Variants in SBF2 observed in about 807,000 individuals in gnomAD.
The protein encoded by SBF2 is myotubularin-related protein 13.
SBF2 carries 112 observed loss-of-function variants against 225.2 expected under a neutral mutation model. The ratio of observed to expected loss-of-function variants is 0.50; its 90% CI spans 0.43 to 0.58. The LOEUF is 0.58. Among genes scored for constraint, SBF2 ranks in the 20% least tolerant of loss-of-function variants. The probability of loss-of-function intolerance (pLI) is 0.00; values close to 1 mark genes in which losing one functional copy is unlikely to be tolerated. For synonymous variants in SBF2, 763 were observed against 773.3 expected, an observed-to-expected ratio of 0.99 and a Z score of 0.22; for missense variants, 1,996 against 2,206.2, an observed-to-expected ratio of 0.90 and a Z score of 1.91.
intron 2 of SBF2, among the ~76,000 whole-genome samples, chr11:10,053,879 C>T (rs1240554722): frequency 6.6e-6 from 1 of 151,560 alleles, no homozygotes; most frequent in Admixed American, 6.6e-5. Context: ...GTGATCATGA[C>T]ACTGCACTTG....
At chr11:10,267,009 G>A (rs924372903) in intron 1 of SBF2, among the ~76,000 whole-genome samples, 3 of 152,164 alleles carry the variant, frequency 2.0e-5, no homozygotes, top group Non-Finnish European at 4.4e-5. Flanking sequence ...CAGGAGAATC[G>A]CTTGAACCTG....
chr11:10,004,419 G>A (rs1948098538), intron 6 of SBF2, among the ~76,000 whole-genome samples: 3 of 151,726 alleles, frequency 2.0e-5, no homozygotes, highest in South Asian at 4.2e-4. Context: ...GTATAATATT[G>A]AGTGAGGGTA....
At chr11:9,934,392 T>C (rs1029349879) in intron 16 of SBF2, among the ~76,000 whole-genome samples, 1 of 152,180 alleles carries the variant, frequency 6.6e-6, no homozygotes. Context: ...GAGGAGCTGG[T>C]ACCATTCCTT....
intron 2 of SBF2, among the ~76,000 whole-genome samples, chr11:10,184,289 T>C (rs1329762611): frequency 6.6e-6 from 1 of 152,216 alleles, no homozygotes; most frequent in African/African-American, 2.4e-5. Context: ...CATACTGTCT[T>C]GATTATTGAG....
rs149939916 is a variant in SBF2, at chr11:9,884,706, CT to C, written c.1929+11236del. Among the ~76,000 whole-genome samples, 390 of 152,324 alleles carry C rather than the reference CT, an allele frequency of 2.6e-3. 1 individual carries two copies. Among genetic ancestry groups the C allele is most frequent in the African/African-American group, 9.0e-3 (375 of 41,582 alleles). Reference sequence around the variant, plus strand: ...AACCTTGGCTCAGAAGAGTCCCTATCTGCTCAAGTCTTATGGGAGGCACTGT... The same window carrying C: ...AACCTTGGCTCAGAAGAGTCCCTATCGCTCAAGTCTTATGGGAGGCACTGT... On this transcript the variant is annotated intron_variant, in intron 17 of 39. Coordinates refer to ENST00000256190, the MANE Select transcript of SBF2 (RefSeq NM_030962.4).
intron 16 of SBF2, among the ~76,000 whole-genome samples, chr11:9,953,041 A>C (rs1865949886): frequency 6.6e-6 from 1 of 152,240 alleles, no homozygotes; most frequent in Admixed American, 6.5e-5. Context: ...GAGGAAAAGA[A>C]GTCATACCAA....
At chr11:10,244,590 T>C (rs1959580657) in intron 1 of SBF2, among the ~76,000 whole-genome samples, 1 of 152,196 alleles carries the variant, frequency 6.6e-6, no homozygotes, top group South Asian at 2.1e-4. Context: ...CTGCTTTGGG[T>C]ATTTGAATCT....
intron 2 of SBF2, among the ~76,000 whole-genome samples, chr11:10,185,871 A>C (rs72861738): frequency 0.1 from 15,674 of 152,102 alleles, 963 homozygotes; most frequent in Non-Finnish European, 0.11. Flanking sequence ...TCATACATAC[A>C]CATATATATA....
intron 33 of SBF2, 122 bp downstream of exon 33, chr11:9,795,709 A>G (rs139621501): frequency 4.1e-6 from 5 of 1,230,590 alleles, no homozygotes; most frequent in South Asian, 1.3e-5. Flanking sequence ...CTCTACATTC[A>G]TAGTTCAGAG....
intron 27 of SBF2, among the ~76,000 whole-genome samples, chr11:9,830,103 G>T (rs1484426341): frequency 6.6e-6 from 1 of 152,222 alleles, no homozygotes; most frequent in Non-Finnish European, 1.5e-5. Context: ...GGAGCAAAAA[G>T]TATACACAAT....
At chr11:10,019,595 C>G (rs1181265664) in intron 6 of SBF2, among the ~76,000 whole-genome samples, 1 of 150,198 alleles carries the variant, frequency 6.7e-6, no homozygotes, top group Non-Finnish European at 1.5e-5. Flanking sequence ...TGGGACAGAC[C>G]CTTATGACAA....
At chr11:10,133,628 C>T (rs556308092) in intron 2 of SBF2, among the ~76,000 whole-genome samples, 5 of 147,756 alleles carry the variant, frequency 3.4e-5, no homozygotes, top group East Asian at 2.1e-4. Flanking sequence ...CACGCCCACC[C>T]GGAACTCCAG....
Position 9,856,701 on chromosome 11 carries a change from T to C in SBF2, c.2120A>G (p.His707Arg), listed in dbSNP as rs780356737. Residue 707 changes from histidine (H) to arginine (R), a missense_variant, in exon 19 of 40, where the codon CAT becomes CGT. Coordinates refer to ENST00000256190, the MANE Select transcript of SBF2 (RefSeq NM_030962.4). ...LKQKDKLPDD[H>R]YQEKTAMDLA... Reference sequence around the variant, plus strand: ...GTCCATTGCTGTCTTCTCCTGATAATGGTCATCAGGAAGCTTATCCTAAAA... The same window carrying C: ...GTCCATTGCTGTCTTCTCCTGATAACGGTCATCAGGAAGCTTATCCTAAAA... The C allele has an allele frequency of 3.7e-6, 6 of 1,613,752 alleles. No individual in the cohort carries two copies. The highest frequency in any genetic ancestry group is 3.4e-6 in the Non-Finnish European group (4 of 1,179,868).
At chr11:9,948,851 A>T (rs553281876) in intron 16 of SBF2, among the ~76,000 whole-genome samples, 1 of 152,280 alleles carries the variant, frequency 6.6e-6, no homozygotes, top group South Asian at 2.1e-4. Flanking sequence ...ACTCACTTCT[A>T]TATCTGTGAA....
intron 16 of SBF2, chr11:9,915,596 T>C (rs1001279154): frequency 3.3e-5 from 5 of 152,156 alleles, no homozygotes; most frequent in Admixed American, 6.5e-5. Context: ...TTTTTTTGCT[T>C]TTCTTTCAGA....
At chr11:10,265,120 T>C (rs1053867706) in intron 1 of SBF2, among the ~76,000 whole-genome samples, 2 of 152,150 alleles carry the variant, frequency 1.3e-5, no homozygotes, top group Non-Finnish European at 2.9e-5. Context: ...CTAGGTCAAA[T>C]GGTATTTCTA....
At chr11:10,287,121 T>C (rs1031125004) in intron 1 of SBF2, among the ~76,000 whole-genome samples, 10 of 152,174 alleles carry the variant, frequency 6.6e-5, no homozygotes, top group Admixed American at 4.6e-4. Flanking sequence ...TGAAAAAAGT[T>C]AGACACAAAA....
chr11:10,069,818 T>C (rs568818041), intron 2 of SBF2, among the ~76,000 whole-genome samples: 2 of 151,738 alleles, frequency 1.3e-5, no homozygotes, highest in South Asian at 2.1e-4. Context: ...CTCTCCAGCA[T>C]CTGTTGTTTC....
At chr11:10,037,369 T>A (rs1388906058) in intron 3 of SBF2, among the ~76,000 whole-genome samples, 1 of 152,168 alleles carries the variant, frequency 6.6e-6, no homozygotes, top group African/African-American at 2.4e-5. Flanking sequence ...TCTTGTTGAA[T>A]AAGACCTAAG....
Sources: gnomAD v4.1 joint callset for allele counts (sites outside exome capture counted in the v4.1 genomes callset) on GRCh38, gnomAD v4.1.1 for gene constraint, MANE v1.5 for transcripts, NCBI Gene and HGNC (gene_info 2026-07-23, HGNC 2026-07-21) for gene names.